Variants in PRIM2 observed in about 807,000 individuals in gnomAD.
PRIM2 encodes the protein DNA primase subunit 2, also known as DNA primase large subunit.
A neutral mutation model predicts 67.3 loss-of-function variants in PRIM2; 39 were observed. The ratio of observed to expected loss-of-function variants is 0.58; its 90% CI spans 0.45 to 0.76. The LOEUF (loss-of-function observed/expected upper bound fraction) is 0.76. Ranked by LOEUF, PRIM2 falls within the 30% of genes least tolerant of loss-of-function variation. PRIM2 has a pLI of 0.00. For missense variants in PRIM2, 398 were observed against 598.7 expected, an observed-to-expected ratio of 0.66 and a Z score of 3.50; for synonymous variants, 143 against 198.7, an observed-to-expected ratio of 0.72 and a Z score of 2.36.
intron 7 of PRIM2, among the ~76,000 whole-genome samples, chr6:57,439,472 G>A (rs1435930836): frequency 1.5e-5 from 2 of 134,174 alleles, no homozygotes; most frequent in African/African-American, 5.7e-5. Flanking sequence ...CTGGAGTGTA[G>A]TGGCACCATC....
chr6:57,589,300 G>A (rs1171910435), intron 10 of PRIM2, among the ~76,000 whole-genome samples: 1 of 152,142 alleles, frequency 6.6e-6, no homozygotes, highest in Non-Finnish European at 1.5e-5. Flanking sequence ...AGGTTTAAAT[G>A]TTCTCTCTTC....
At chr6:57,554,459 A>G (rs1775469027) in intron 10 of PRIM2, among the ~76,000 whole-genome samples, 1 of 150,428 alleles carries the variant, frequency 6.6e-6, no homozygotes, top group Non-Finnish European at 1.5e-5. Context: ...GATGAACTAG[A>G]TTTAGTTTAA....
chr6:57,256,353 G>A, the PRIM2 span, among the ~76,000 whole-genome samples: 81 of 152,064 alleles, frequency 5.3e-4, 1 homozygote, highest in Non-Finnish European at 1.1e-3. Context: ...TCTTCATTTT[G>A]CAATTGGGAA....
At chr6:57,603,905 G>C (rs1272629169) in intron 11 of PRIM2, among the ~76,000 whole-genome samples, 1 of 152,132 alleles carries the variant, frequency 6.6e-6, no homozygotes, top group Non-Finnish European at 1.5e-5. Flanking sequence ...TCCTTGCTTA[G>C]ATGTATTCCT....
chr6:57,332,228 A>G (rs1368791787), intron 5 of PRIM2, among the ~76,000 whole-genome samples: 1 of 152,042 alleles, frequency 6.6e-6, no homozygotes, highest in Non-Finnish European at 1.5e-5. Flanking sequence ...TAGTTTGAGA[A>G]TATATTTTAT....
chr6:57,300,074 A>G, the PRIM2 span, among the ~76,000 whole-genome samples: 1 of 152,216 alleles, frequency 6.6e-6, no homozygotes, highest in Non-Finnish European at 1.5e-5. Flanking sequence ...ATACATCTAT[A>G]TGAAATTATT....
chr6:57,285,511 A>G, the PRIM2 span, among the ~76,000 whole-genome samples: 1 of 152,272 alleles, frequency 6.6e-6, no homozygotes, highest in Non-Finnish European at 1.5e-5. Context: ...AACAGAACGA[A>G]TGACAAAAAC....
At chr6:57,426,954 A>C (rs1771652626) in intron 7 of PRIM2, among the ~76,000 whole-genome samples, 1 of 152,176 alleles carries the variant, frequency 6.6e-6, no homozygotes, top group Non-Finnish European at 1.5e-5. Context: ...AAAAGCAGGA[A>C]ATTTCTGCGT....
intron 13 of PRIM2, among the ~76,000 whole-genome samples, chr6:57,641,208 C>T: frequency 6.6e-6 from 1 of 151,934 alleles, no homozygotes; most frequent in Non-Finnish European, 1.5e-5. Context: ...GAAACTGGAC[C>T]CCTTCCTTAC....
chr6:57,581,949 A>T (rs1776091140), intron 10 of PRIM2, among the ~76,000 whole-genome samples: 1 of 152,172 alleles, frequency 6.6e-6, no homozygotes, highest in Non-Finnish European at 1.5e-5. Context: ...GGCCTTCCAG[A>T]CCAGCATCCC....
the PRIM2 span, among the ~76,000 whole-genome samples, chr6:57,307,322 C>T: frequency 2.0e-5 from 3 of 151,388 alleles, no homozygotes; most frequent in South Asian, 2.1e-4. Flanking sequence ...GGCACAATCT[C>T]GGCTCACTGC....
chr6:57,559,593 C>T (rs1428766929), intron 10 of PRIM2, among the ~76,000 whole-genome samples: 2 of 152,100 alleles, frequency 1.3e-5, no homozygotes, highest in African/African-American at 2.4e-5. Flanking sequence ...GGATACTTGA[C>T]GGGATAGATC....
At chr6:57,388,176 T>C (rs1770212944) in intron 7 of PRIM2, among the ~76,000 whole-genome samples, 1 of 152,198 alleles carries the variant, frequency 6.6e-6, no homozygotes, top group Non-Finnish European at 1.5e-5. Flanking sequence ...TTTAGCCTAA[T>C]GTAGTTGAAA....
intron 7 of PRIM2, among the ~76,000 whole-genome samples, chr6:57,496,429 A>G (rs1164789623): frequency 6.6e-6 from 1 of 152,114 alleles, no homozygotes; most frequent in African/African-American, 2.4e-5. Context: ...GAAACCCACT[A>G]TTCAGTCTGG....
rs1282612927 is a variant in PRIM2 at position 57,604,952 on chromosome 6, A to T, written c.1148-1423A>T. ...TGATCCGCCCGCCTCGGCTTTCCAA[A>T]GTGCTGGGATTACGGGCGTGAGCCA... is the stretch of plus-strand genomic sequence containing the variant. On this transcript the variant is annotated intron_variant, in intron 11 of 13. Coordinates refer to ENST00000615550, the MANE Select transcript of PRIM2 (RefSeq NM_000947.5). Among the ~76,000 whole-genome samples the T allele has an allele frequency of 5.3e-5, 8 of 152,250 alleles. No homozygotes were observed. In the East Asian group the frequency reaches 1.5e-3, roughly 29 times the overall value.
intron 7 of PRIM2, among the ~76,000 whole-genome samples, chr6:57,399,993 C>T (rs1227311063): frequency 3.3e-5 from 5 of 152,208 alleles, no homozygotes; most frequent in East Asian, 1.9e-4. Context: ...GTTGTCATTA[C>T]GAGACCCATT....
the PRIM2 span, among the ~76,000 whole-genome samples, chr6:57,283,229 C>A: frequency 6.0e-4 from 92 of 152,216 alleles, 1 homozygote; most frequent in African/African-American, 2.2e-3. Context: ...ATATCTTTGC[C>A]CATATTATTG....
intron 12 of PRIM2, among the ~76,000 whole-genome samples, chr6:57,612,497 T>G: frequency 6.6e-6 from 1 of 152,164 alleles, no homozygotes; most frequent in East Asian, 1.9e-4. Context: ...TCAAAAGCAC[T>G]ATAGTGTATA....
At chr6:57,466,151 T>C (rs1773183085) in intron 7 of PRIM2, among the ~76,000 whole-genome samples, 1 of 152,216 alleles carries the variant, frequency 6.6e-6, no homozygotes, top group South Asian at 2.1e-4. Context: ...AGACATGAAC[T>C]TATCCTTTTC....
Sources: allele counts gnomAD v4.1 joint callset (sites outside exome capture counted in the v4.1 genomes callset), GRCh38; gene constraint gnomAD v4.1.1; transcripts MANE v1.5; gene names NCBI Gene and HGNC (gene_info 2026-07-23, HGNC 2026-07-21).